The following ACACA variants were observed in gnomAD, a reference collection of about 807,000 sequenced individuals.
The protein encoded by ACACA is acetyl-CoA carboxylase 1.
In ACACA, 103 loss-of-function variants were observed where a neutral mutation model predicts 296.1. The observed-to-expected ratio is 0.35, with a 90% CI of 0.30 to 0.41. The LOEUF is 0.41. ACACA is among the 10% of genes least tolerant of loss of function. The pLI is 1.00. For synonymous variants in ACACA, 953 were observed against 1,038.6 expected, an observed-to-expected ratio of 0.92 and a Z score of 1.58; for missense variants, 1,554 against 2,989.7, an observed-to-expected ratio of 0.52 and a Z score of 11.20.
chr17:37,199,802 A>G (rs2078163867), intron 35 of ACACA, among the ~76,000 whole-genome samples: 1 of 145,270 alleles, frequency 6.9e-6, no homozygotes, highest in Non-Finnish European at 1.5e-5. Context: ...TCTCAGAGAT[A>G]TATTGAGAAT....
At chr17:37,104,369 T>C (rs1458680695) in intron 52 of ACACA, among the ~76,000 whole-genome samples, 1 of 152,260 alleles carries the variant, frequency 6.6e-6, no homozygotes, top group Non-Finnish European at 1.5e-5. Flanking sequence ...GAGATGTTAC[T>C]GTGTGCTGGT....
chr17:37,349,062 T>C (rs2048766761), intron 1 of ACACA, among the ~76,000 whole-genome samples: 1 of 151,552 alleles, frequency 6.6e-6, no homozygotes. Context: ...TATTATTTAT[T>C]ATTATTATTA....
chr17:37,301,805 T>C (rs1472947213), intron 3 of ACACA, among the ~76,000 whole-genome samples: 1 of 152,138 alleles, frequency 6.6e-6, no homozygotes, highest in Non-Finnish European at 1.5e-5. Context: ...TTTGTTTCCA[T>C]GTAAATTTTA....
chr17:37,219,718 C>T (rs2079194836), intron 29 of ACACA, among the ~76,000 whole-genome samples: 1 of 148,012 alleles, frequency 6.8e-6, no homozygotes, highest in East Asian at 1.9e-4. Flanking sequence ...ACACATTTTT[C>T]ATATATTATA....
intron 38 of ACACA, among the ~76,000 whole-genome samples, chr17:37,190,436 A>C (rs1007338332): frequency 2.0e-5 from 3 of 152,162 alleles, no homozygotes; most frequent in Admixed American, 2.0e-4. Context: ...TCAACAAAAA[A>C]AAAAAGAAAG....
At chr17:37,296,764 T>C (rs1465274692) in intron 3 of ACACA, among the ~76,000 whole-genome samples, 2 of 152,082 alleles carry the variant, frequency 1.3e-5, no homozygotes, top group Non-Finnish European at 2.9e-5. Context: ...TAGCCCAGGC[T>C]GGAGTACAGT....
At chr17:37,248,238 T>A in intron 17 of ACACA, 82 bp from the exon 18 acceptor site, 2 of 1,537,674 alleles carry the variant, frequency 1.3e-6, no homozygotes, top group Admixed American at 1.7e-5. Context: ...AAAATACAGA[T>A]AAGAAAGATC....
intron 3 of ACACA, among the ~76,000 whole-genome samples, chr17:37,317,099 G>T (rs540942164): frequency 2.2e-4 from 33 of 150,066 alleles, no homozygotes; most frequent in Non-Finnish European, 4.4e-4. Context: ...AAAAAGATTT[G>T]CAATGACATG....
At chr17:37,098,022 G>A (rs1366168238) in intron 52 of ACACA, 38 bp from the exon 53 acceptor site, 1 of 1,613,538 alleles carries the variant, frequency 6.2e-7, no homozygotes, top group Non-Finnish European at 8.5e-7. Flanking sequence ...ACTCTGTAAT[G>A]ACCAGGAATC....
intron 1 of ACACA, chr17:37,392,193 C>T (rs566586543): frequency 6.1e-6 from 1 of 163,672 alleles, no homozygotes; most frequent in South Asian, 1.7e-4. Flanking sequence ...TGTAATTTAG[C>T]TTCTGGTACT....
intron 52 of ACACA, among the ~76,000 whole-genome samples, chr17:37,103,610 C>A (rs575066240): frequency 6.8e-4 from 103 of 152,210 alleles, no homozygotes; most frequent in African/African-American, 2.4e-3. Context: ...GTGCTCCCAT[C>A]CTTTCCTATC....
intron 29 of ACACA, among the ~76,000 whole-genome samples, chr17:37,219,767 T>A (rs575940018): frequency 2.1e-4 from 31 of 150,052 alleles, no homozygotes; most frequent in Non-Finnish European, 4.0e-4. Flanking sequence ...TAAATTCAAG[T>A]AGTAAATCTG....
chr17:37,395,655 G>A (rs1233172718), intron 1 of ACACA, among the ~76,000 whole-genome samples: 1 of 151,942 alleles, frequency 6.6e-6, no homozygotes, highest in Non-Finnish European at 1.5e-5. Flanking sequence ...CAATTCTCTT[G>A]CCTCAGCCTC....
intron 1 of ACACA, among the ~76,000 whole-genome samples, chr17:37,390,621 C>T (rs1320091552): frequency 1.4e-5 from 2 of 146,986 alleles, no homozygotes; most frequent in Non-Finnish European, 3.0e-5. Flanking sequence ...AGCAAGACTC[C>T]GTCTCAAAAA....
chr17:37,122,442 A>G, intron 49 of ACACA, 89 bp downstream of exon 49: 1 of 1,053,392 alleles, frequency 9.5e-7, no homozygotes. Context: ...TCTAAAACTG[A>G]TGGTTTGCAA....
chr17:37,245,250 C>A (rs1412314804), intron 19 of ACACA, 36 bp from the exon 20 acceptor site: 1 of 1,609,044 alleles, frequency 6.2e-7, no homozygotes, highest in South Asian at 1.1e-5. Context: ...AGATTTATCT[C>A]TCTTTACACA....
intron 8 of ACACA, among the ~76,000 whole-genome samples, chr17:37,275,042 G>A (rs981717660): frequency 4.6e-5 from 7 of 152,038 alleles, no homozygotes; most frequent in African/African-American, 1.7e-4. Context: ...AACTGTTTAA[G>A]GGATGTGTTG....
chr17:37,155,833 G>C lies in ACACA; in HGVS notation c.5350-53C>G, dbSNP rs150229788. ...ATTATTTGCCATTGTCATATAATCA[G>C]AAGATACAGCAAAGCATACATAATG... On this transcript the variant is annotated intron_variant, in intron 42 of 55. Coordinates refer to ENST00000616317, the MANE Select transcript of ACACA (RefSeq NM_198834.3). The C allele has an allele frequency of 1.1e-4, 134 of 1,190,282 alleles. 2 individuals are homozygous for C. The African/African-American group carries it at 1.7e-3, about 15-fold the overall frequency. The allele number at this position is 1,190,282 out of a possible 1,614,324, so 73.7% of individuals were successfully genotyped here. A position where few individuals can be genotyped will look rare whatever the true frequency, so the allele number is the denominator to read the frequency against.
At chr17:37,295,769 C>CA (rs1044743063) in intron 3 of ACACA, among the ~76,000 whole-genome samples, 2 of 151,812 alleles carry the variant, frequency 1.3e-5, no homozygotes, top group African/African-American at 4.8e-5. Flanking sequence ...CTAAAAAATA[C>CA]AAAAAATTAG....
Sources: allele counts gnomAD v4.1 joint callset (sites outside exome capture counted in the v4.1 genomes callset), GRCh38; gene constraint gnomAD v4.1.1; transcripts MANE v1.5; gene names NCBI Gene and HGNC (gene_info 2026-07-23, HGNC 2026-07-21).